Variants in GRAMD1B observed in about 807,000 individuals in gnomAD.
GRAMD1B encodes GRAM domain containing 1B.
Under a neutral mutation model 99.7 loss-of-function variants are expected in GRAMD1B, and 37 were observed. The observed-to-expected ratio is 0.37, with a 90% CI of 0.29 to 0.49. The LOEUF (loss-of-function observed/expected upper bound fraction) is 0.49. GRAMD1B is among the 20% of genes least tolerant of loss of function. The pLI, the probability that GRAMD1B is intolerant of heterozygous loss-of-function variation, is 0.98. For synonymous variants in GRAMD1B, 427 were observed against 387.6 expected (o/e 1.10, Z -1.19); for missense variants, 888 against 1,009.2 (o/e 0.88, Z 1.63).
chr11:123,599,464 C>A (rs2136682342), intron 7 of GRAMD1B: 4 of 629,326 alleles, frequency 6.4e-6, no homozygotes, highest in South Asian at 5.5e-5. Context: ...TTCCCTTCAC[C>A]ACGGCCTCTC....
In GRAMD1B at chr11:123,587,638, G is replaced by A. The variant is rs936264883; in HGVS notation, c.684+3306G>A. On this transcript the variant is annotated intron_variant, in intron 4 of 19. Coordinates refer to ENST00000635736, the MANE Select transcript of GRAMD1B (RefSeq NM_001387025.1). The surrounding 1 kb of genome is among the most constrained non-coding windows in gnomAD (Gnocchi z 4.2). Reference sequence around the variant, plus strand: ...GTCTTCTCCATGGCAGCCCCAGAAGGAGCATTTCTGAGATCAGAGCACAGG... The same window carrying A: ...GTCTTCTCCATGGCAGCCCCAGAAGAAGCATTTCTGAGATCAGAGCACAGG... 6.6e-6 allele frequency among the ~76,000 whole-genome samples: 1 copy of A among 152,170 alleles called. No individual in the cohort carries two copies. Among genetic ancestry groups the A allele is most frequent in the African/African-American group, 2.4e-5 (1 of 41,442 alleles).
At chr11:123,513,274 A>G (rs1013227566) in intron 2 of GRAMD1B, among the ~76,000 whole-genome samples, 2 of 152,152 alleles carry the variant, frequency 1.3e-5, no homozygotes, top group East Asian at 1.9e-4. Context: ...AACATTCCCT[A>G]TTAGACTCTT....
chr11:123,584,391 G>GT, intron 4 of GRAMD1B, 59 bp downstream of exon 4: 4 of 953,614 alleles, frequency 4.2e-6, no homozygotes, highest in Non-Finnish European at 3.2e-6. Context: ...GGGAATGGAG[G>GT]TTGGGGGAAG....
At chr11:123,578,475 C>T (rs902682183) in intron 3 of GRAMD1B, 3 of 1,406,824 alleles carry the variant, frequency 2.1e-6, no homozygotes, top group South Asian at 1.2e-5. Context: ...CCTCTAGTGT[C>T]GATCTGTCTG....
In GRAMD1B at chr11:123,574,764, C is replaced by T. The variant is rs556528041; in HGVS notation, c.453-2603C>T. Reference sequence around the variant, plus strand: ...GCAGCAGGTTGTTGGGTCAGGCTAGCGACTGTGACCAGGGCCGGAAGCAGG... The same window carrying T: ...GCAGCAGGTTGTTGGGTCAGGCTAGTGACTGTGACCAGGGCCGGAAGCAGG... On this transcript the variant is annotated intron_variant, in intron 2 of 19. Coordinates refer to ENST00000635736, the MANE Select transcript of GRAMD1B (RefSeq NM_001387025.1). Among the ~76,000 whole-genome samples the T allele has an allele frequency of 2.6e-5, 4 of 152,232 alleles. No individual in the cohort carries two copies. The South Asian group carries it at 8.3e-4, about 32-fold the overall frequency.
intron 1 of GRAMD1B, among the ~76,000 whole-genome samples, chr11:123,450,724 T>C (rs1336404040): frequency 1.3e-5 from 2 of 152,128 alleles, no homozygotes; most frequent in Non-Finnish European, 2.9e-5. Context: ...TGGGACTTCA[T>C]TGGATTTGTG....
chr11:123,622,396 A>G (rs1040611549), intron 19 of GRAMD1B, 110 bp from the exon 20 acceptor site: 10 of 681,206 alleles, frequency 1.5e-5, no homozygotes, highest in African/African-American at 1.1e-4. Context: ...TTTCAGCCCC[A>G]TGGCGTGGTT....
chr11:123,518,626 A>G (rs528768338), intron 2 of GRAMD1B, among the ~76,000 whole-genome samples: 3 of 152,286 alleles, frequency 2.0e-5, no homozygotes, highest in African/African-American at 7.2e-5. Context: ...TGGCAGTACT[A>G]GTAGGAAGAT....
At chr11:123,389,796 A>C (rs1438125529) in intron 1 of GRAMD1B, among the ~76,000 whole-genome samples, 3 of 152,086 alleles carry the variant, frequency 2.0e-5, no homozygotes, top group Admixed American at 2.0e-4. Flanking sequence ...TCCAGGCTGG[A>C]GTGCAGTGGT....
At position 123,610,601 on chromosome 11, in the gene GRAMD1B, C is replaced by T. The variant is rs182324736; in HGVS notation, c.1919+263C>T. 2.3e-3 allele frequency among the ~76,000 whole-genome samples: 355 copies of T among 152,268 alleles called. 4 individuals are homozygous for T. Among genetic ancestry groups the T allele is most frequent in the Non-Finnish European group, 8.2e-4 (56 of 68,026 alleles). On this transcript the variant is annotated intron_variant, in intron 14 of 19. Transcript: ENST00000635736. The surrounding 1 kb of genome is among the most constrained non-coding windows in gnomAD (Gnocchi z 4.1). ...TGTGGCTTATACAGTATAGTGTAGG[C>T]GCTTTACCTACATTCACTGGAGTCT...
chr11:123,373,422 T>C (rs188686321), intron 1 of GRAMD1B, among the ~76,000 whole-genome samples: 1 of 152,310 alleles, frequency 6.6e-6, no homozygotes, highest in East Asian at 1.9e-4. Flanking sequence ...GAATCAGTGC[T>C]ATTAGAACTC....
At chr11:123,599,189 G>C (rs1266752911) in intron 7 of GRAMD1B, 4 of 770,996 alleles carry the variant, frequency 5.2e-6, no homozygotes, top group Non-Finnish European at 7.2e-6. Flanking sequence ...TTATTTGCTT[G>C]AGTCTGTTAC....
chr11:123,462,903 A>T (rs1179389682), intron 1 of GRAMD1B, among the ~76,000 whole-genome samples: 7 of 149,942 alleles, frequency 4.7e-5, no homozygotes, highest in African/African-American at 1.7e-4. Context: ...AAAAAAAAAA[A>T]AAAAAAAAAG....
chr11:123,616,253 T>C (rs945347750), intron 17 of GRAMD1B, among the ~76,000 whole-genome samples: 4 of 152,042 alleles, frequency 2.6e-5, no homozygotes, highest in Admixed American at 1.3e-4. Flanking sequence ...ACCCGGGAGG[T>C]AGAGCTTGCA....
intron 1 of GRAMD1B, among the ~76,000 whole-genome samples, chr11:123,451,477 G>A (rs1164165365): frequency 6.6e-6 from 1 of 152,176 alleles, no homozygotes; most frequent in Non-Finnish European, 1.5e-5. Context: ...TACCATACGT[G>A]TGTTGTATCT....
chr11:123,596,628 C>T lies in GRAMD1B; in HGVS notation c.969+591C>T, dbSNP rs553656638. 1.1e-4 allele frequency among the ~76,000 whole-genome samples: 17 copies of T among 152,316 alleles called. No homozygotes were observed. In the South Asian group the frequency reaches 2.7e-3, roughly 24 times the overall value. ...TGCTGAAGGCCAAGTTTACAGTTCC[C>T]TTGGACTCAGGCAGTTCAGTGGCAA... On this transcript the variant is annotated intron_variant, in intron 7 of 19. Transcript: ENST00000635736.
chr11:123,591,669 A>G lies in GRAMD1B; in HGVS notation c.685-2413A>G, dbSNP rs1950661014. On this transcript the variant is annotated intron_variant, in intron 4 of 19. Transcript: ENST00000635736. The surrounding 1 kb of genome is among the most constrained non-coding windows in gnomAD (Gnocchi z 4.7). ...AACCGAAATTATTTGACCATTTTAA[A>G]TTGAAATAGGTGAGCCAGGCCCCGC... The G allele has an allele frequency of 1.3e-5, 5 of 394,632 alleles. No individual in the cohort carries two copies. Among genetic ancestry groups the G allele is most frequent in the African/African-American group, 8.2e-5 (4 of 48,640 alleles). 24.4% of individuals were successfully genotyped at this position (394,632 alleles called of 1,614,324 possible). A position where few individuals can be genotyped will look rare whatever the true frequency, so the allele number is the denominator to read the frequency against.
intron 2 of GRAMD1B, among the ~76,000 whole-genome samples, chr11:123,502,338 A>G (rs935987693): frequency 2.6e-5 from 4 of 152,182 alleles, no homozygotes; most frequent in Non-Finnish European, 5.9e-5. Flanking sequence ...GCAAACGTGC[A>G]TGTCCCATTT....
intron 1 of GRAMD1B, among the ~76,000 whole-genome samples, chr11:123,406,737 TA>T (rs1024683169): frequency 4.7e-4 from 72 of 152,332 alleles, no homozygotes; most frequent in African/African-American, 1.5e-3. Flanking sequence ...TTTTTTAAGA[TA>T]AATGAGAATT....
Sources: allele counts gnomAD v4.1 joint callset (sites outside exome capture counted in the v4.1 genomes callset), GRCh38; gene constraint gnomAD v4.1.1; non-coding constraint Gnocchi (gnomAD v3.1); transcripts MANE v1.5; gene names NCBI Gene and HGNC (gene_info 2026-07-23, HGNC 2026-07-21).